LIPA: variants seen among roughly 807,000 people sequenced by gnomAD.
LIPA encodes lysosomal acid lipase/cholesteryl ester hydrolase.
In LIPA, 26 loss-of-function variants were observed where a neutral mutation model predicts 40.6. The ratio of observed to expected loss-of-function variants is 0.64; its 90% CI spans 0.47 to 0.89. The LOEUF (loss-of-function observed/expected upper bound fraction) is 0.89. Among genes scored for constraint, LIPA ranks in the 40% least tolerant of loss-of-function variants. LIPA has a pLI of 0.00. For missense variants in LIPA, 455 were observed against 479.6 expected (o/e 0.95, Z 0.48); for synonymous variants, 188 against 168.4 (o/e 1.12, Z -0.90).
In LIPA at chr10:89,228,306, G is replaced by T; in HGVS notation, c.322C>A (p.Leu108Ile). 6.2e-7 allele frequency: 1 copy of T among 1,614,216 alleles called. No homozygotes were observed. Among genetic ancestry groups the T allele is most frequent in the Non-Finnish European group, 8.5e-7 (1 of 1,180,032 alleles). Residue 108 changes from leucine (L) to isoleucine (I), a missense_variant, in exon 4 of 10, where the codon CTT (leucine) becomes ATT (isoleucine). Transcript: ENST00000336233. ...CACACGTCAAAACCAGCATCAGCAAGAATGAAGCCCAGGCTGCTGTTGGCA... is the reference window on the plus strand; with the variant it reads ...CACACGTCAAAACCAGCATCAGCAATAATGAAGCCCAGGCTGCTGTTGGCA... ...NLANSSLGFILADAGFDVWMG... is the reference protein window; with the variant it reads ...NLANSSLGFIIADAGFDVWMG...
intron 1 of LIPA, among the ~76,000 whole-genome samples, chr10:89,267,953 G>A (rs1218105401): frequency 2.0e-5 from 3 of 152,078 alleles, no homozygotes; most frequent in African/African-American, 7.2e-5. Context: ...GTTAAGGAAT[G>A]GGGAATAAGC....
upstream of LIPA, among the ~76,000 whole-genome samples, chr10:89,344,881 T>C (rs59319626): frequency 5.1e-3 from 784 of 152,258 alleles, 18 homozygotes; most frequent in East Asian, 0.06. Context: ...ACTGCAGATA[T>C]TGTAATTGAA....
At chr10:89,248,024 C>T (rs187517556) in intron 1 of LIPA, among the ~76,000 whole-genome samples, 4 of 151,720 alleles carry the variant, frequency 2.6e-5, no homozygotes, top group East Asian at 1.9e-4. Flanking sequence ...CGCACCACCA[C>T]GCCTGGCTAA....
At chr10:89,312,248 C>T (rs1051005160) in intron 1 of LIPA, among the ~76,000 whole-genome samples, 10 of 152,040 alleles carry the variant, frequency 6.6e-5, no homozygotes, top group African/African-American at 2.4e-4. Context: ...CGAGACCAGC[C>T]TGGACAGCAT....
chr10:89,409,749 G>C (rs7100580), intron 2 of LIPA, among the ~76,000 whole-genome samples: 17,197 of 152,204 alleles, frequency 0.11, 2,270 homozygotes, highest in African/African-American at 0.32. Context: ...CCTGTAACCA[G>C]GTGTTTCTCC....
intron 2 of LIPA, among the ~76,000 whole-genome samples, chr10:89,387,722 T>G (rs1393311331): frequency 6.6e-6 from 1 of 152,236 alleles, no homozygotes; most frequent in Admixed American, 6.5e-5. Flanking sequence ...GTTTTATCAA[T>G]TAATTGTACT....
At chr10:89,414,647 C>A, upstream of LIPA, 1 of 739,598 alleles carries the variant, frequency 1.4e-6, no homozygotes, top group Non-Finnish European at 2.0e-6. Flanking sequence ...TTAACAAAGA[C>A]ACGCCGCGCG....
chr10:89,322,518 A>T (rs1191771265), intron 1 of LIPA, among the ~76,000 whole-genome samples: 1 of 152,050 alleles, frequency 6.6e-6, no homozygotes, highest in Non-Finnish European at 1.5e-5. Flanking sequence ...CTCGACAGGG[A>T]CCTGTGCAAG....
chr10:89,403,803 A>G, intron 2 of LIPA: 2 of 709,122 alleles, frequency 2.8e-6, no homozygotes, highest in Non-Finnish European at 4.7e-6. Context: ...CAGAAACATT[A>G]TAATTCACTG....
At chr10:89,391,372 C>T (rs1448025914) in intron 2 of LIPA, among the ~76,000 whole-genome samples, 1 of 151,632 alleles carries the variant, frequency 6.6e-6, no homozygotes, top group East Asian at 1.9e-4. Flanking sequence ...CACCACCACA[C>T]CCAGCTTTTT....
In LIPA at chr10:89,215,270, G is replaced by A. The variant is rs145834815; in HGVS notation, c.967-209C>T. On this transcript the variant is annotated intron_variant, in intron 9 of 9. Transcript: ENST00000336233. ...AAATGAGAGAATGCTAATTATAATC[G>A]CCACTAGCTGTGGAGCTGCTGCCGT... Among the ~76,000 whole-genome samples the A allele has an allele frequency of 2.7e-4, 41 of 152,258 alleles. No individual in the cohort carries two copies. The East Asian group carries it at 6.7e-3, about 25-fold the overall frequency.
chr10:89,344,348 A>G (rs1843898098), upstream of LIPA, among the ~76,000 whole-genome samples: 1 of 152,228 alleles, frequency 6.6e-6, no homozygotes, highest in Non-Finnish European at 1.5e-5. Flanking sequence ...CATGGACTAC[A>G]TTACATTATG....
chr10:89,392,808 G>C, intron 2 of LIPA: 5 of 1,364,194 alleles, frequency 3.7e-6, no homozygotes, highest in Non-Finnish European at 3.1e-6. Context: ...ATCTCAGTGA[G>C]GTCAGGTTTT....
chr10:89,412,697 C>A (rs936999643), intron 2 of LIPA: 2 of 422,390 alleles, frequency 4.7e-6, no homozygotes, highest in African/African-American at 4.2e-5. Context: ...CCGGGAGGAA[C>A]GAACAACTCC....
At chr10:89,308,648 C>T (rs1843498785) in intron 1 of LIPA, 1 of 152,100 alleles carries the variant, frequency 6.6e-6, no homozygotes, top group Admixed American at 6.5e-5. Flanking sequence ...TCAGCTGACC[C>T]AGCATCAGCC....
Position 89,263,784 on chromosome 10 carries a change from G to A in LIPA, c.-1-16135C>T, listed in dbSNP as rs138726550. Among the ~76,000 whole-genome samples the A allele has an allele frequency of 2.3e-3, 356 of 152,324 alleles. 2 individuals are homozygous for A. Among genetic ancestry groups the A allele is most frequent in the African/African-American group, 7.7e-3 (322 of 41,578 alleles). ...CTCATGCTAACCAACCAGATCCCAC[G>A]CCTCCAAGGTCAAGCCAGGTGTAGA... On this transcript the variant is annotated intron_variant, in intron 1 of 5. Coordinates refer to the LIPA transcript ENST00000282673.
chr10:89,392,523 C>T lies in LIPA; in HGVS notation c.61+20268G>A, dbSNP rs1298958607. On this transcript the variant is annotated intron_variant, in intron 2 of 8. Coordinates refer to the LIPA transcript ENST00000371837. Reference sequence around the variant, plus strand: ...TAGCTTTAGTTTCACTTTCCCCTTTCGGTTTCCCTAGGTTTCCAACTTGCA... The same window carrying T: ...TAGCTTTAGTTTCACTTTCCCCTTTTGGTTTCCCTAGGTTTCCAACTTGCA... The T allele has an allele frequency of 4.3e-5, 8 of 184,204 alleles. No homozygotes were observed. The Admixed American group carries it at 4.6e-4, about 11-fold the overall frequency. The allele number at this position is 184,204 out of a possible 1,614,324, so 11.4% of individuals were successfully genotyped here.
rs137870115 is a variant in LIPA at position 89,238,179 on chromosome 10, G to A, written c.229+7497C>T. 1.4e-4 allele frequency among the ~76,000 whole-genome samples: 22 copies of A among 152,348 alleles called. No individual in the cohort carries two copies. The East Asian group carries it at 3.3e-3, about 23-fold the overall frequency. On this transcript the variant is annotated intron_variant, in intron 3 of 9. Coordinates refer to ENST00000336233, the MANE Select transcript of LIPA (RefSeq NM_000235.4). Reference sequence around the variant, plus strand: ...ATTGTGGATATGGCAAAAAGGTGGAGGGTGGGAGCAGGTAAATAGTTTCAA... The same window carrying A: ...ATTGTGGATATGGCAAAAAGGTGGAAGGTGGGAGCAGGTAAATAGTTTCAA...
At chr10:89,330,364 T>C (rs1184425556) in intron 1 of LIPA, among the ~76,000 whole-genome samples, 1 of 152,242 alleles carries the variant, frequency 6.6e-6, no homozygotes, top group East Asian at 1.9e-4. Flanking sequence ...GAGTCATTAA[T>C]GGAGGCACCA....
Sources: gnomAD v4.1 joint callset for allele counts (sites outside exome capture counted in the v4.1 genomes callset) on GRCh38, gnomAD v4.1.1 for gene constraint, MANE v1.5 for transcripts, NCBI Gene and HGNC (gene_info 2026-07-23, HGNC 2026-07-21) for gene names.